Variants in ATP13A4 observed in about 807,000 individuals in gnomAD.
ATP13A4 encodes the protein probable cation-transporting ATPase 13A4.
Under a neutral mutation model 142.5 loss-of-function variants are expected in ATP13A4, and 114 were observed. That is an observed-to-expected ratio of 0.80 (90% confidence interval 0.69 to 0.93). ATP13A4 has a LOEUF of 0.93. ATP13A4 is among the 40% of genes least tolerant of loss of function. The probability of loss-of-function intolerance (pLI) is 0.00; values close to 1 mark genes in which losing one functional copy is unlikely to be tolerated. For synonymous variants in ATP13A4, 488 were observed against 514.8 expected, an observed-to-expected ratio of 0.95 and a Z score of 0.70; for missense variants, 1,392 against 1,454.0, an observed-to-expected ratio of 0.96 and a Z score of 0.69.
At chr3:193,576,249 CTTTTTTTTTT>C (rs59910562) in intron 2 of ATP13A4, among the ~76,000 whole-genome samples, 29 of 54,394 alleles carry the variant, frequency 5.3e-4, no homozygotes, top group Admixed American at 1.9e-3. Flanking sequence ...TTGAATCAAT[CTTTTTTTTTT>C]TTTTTTTTTT....
At chr3:193,556,362 C>A (rs1723888563), upstream of ATP13A4, among the ~76,000 whole-genome samples, 1 of 151,974 alleles carries the variant, frequency 6.6e-6, no homozygotes, top group South Asian at 2.1e-4. Context: ...TCAATGTGTG[C>A]ATGTGTGTGT....
intron 1 of ATP13A4, among the ~76,000 whole-genome samples, chr3:193,582,379 C>A (rs1724567010): frequency 6.7e-6 from 1 of 149,246 alleles, no homozygotes; most frequent in Admixed American, 6.7e-5. Context: ...CATCTCCTGA[C>A]CTTGTGATCC....
upstream of ATP13A4, among the ~76,000 whole-genome samples, chr3:193,558,877 T>C (rs180981661): frequency 6.8e-4 from 104 of 152,278 alleles, no homozygotes; most frequent in African/African-American, 2.4e-3. Flanking sequence ...CAAATAAGAA[T>C]GGGAACGGAA....
intron 1 of ATP13A4, among the ~76,000 whole-genome samples, chr3:193,540,817 TA>T (rs1159632369): frequency 6.6e-6 from 1 of 152,034 alleles, no homozygotes; most frequent in Non-Finnish European, 1.5e-5. Flanking sequence ...ACAAACAAAA[TA>T]AGACTGGAAA....
At chr3:193,587,966 T>C (rs1724697973) in intron 1 of ATP13A4, among the ~76,000 whole-genome samples, 1 of 151,370 alleles carries the variant, frequency 6.6e-6, no homozygotes. Flanking sequence ...TCTGAAAATA[T>C]ATATATATAT....
intron 12 of ATP13A4, among the ~76,000 whole-genome samples, chr3:193,464,205 A>G (rs1220852551): frequency 6.6e-6 from 1 of 152,182 alleles, no homozygotes; most frequent in Non-Finnish European, 1.5e-5. Flanking sequence ...AGGTCCACAG[A>G]TAGCTTCTCC....
chr3:193,481,508 C>A (rs1013482225), intron 8 of ATP13A4, among the ~76,000 whole-genome samples: 1 of 152,118 alleles, frequency 6.6e-6, no homozygotes, highest in Non-Finnish European at 1.5e-5. Context: ...CACTGGTAAC[C>A]CAGCCAGGTG....
At chr3:193,585,127 A>T (rs1173921848) in intron 1 of ATP13A4, among the ~76,000 whole-genome samples, 2 of 152,202 alleles carry the variant, frequency 1.3e-5, no homozygotes, top group African/African-American at 4.8e-5. Context: ...TTAAAACATT[A>T]TCAGTTTTGA....
At position 193,584,238 on chromosome 3, in the gene ATP13A4, G is replaced by A. The variant is rs188846087; in HGVS notation, n.92-2332C>T. ...ACACGGATGCTTACATGTGGAAAGC[G>A]GAGGTGGAAGGATTAGCATTGGAGT... On this transcript the variant is annotated intron_variant and non_coding_transcript_variant, in intron 1 of 3. Coordinates refer to the ATP13A4 transcript ENST00000489140. 8.5e-5 allele frequency among the ~76,000 whole-genome samples: 13 copies of A among 152,254 alleles called. No individual in the cohort carries two copies. In the East Asian group the frequency reaches 9.6e-4, roughly 11 times the overall value.
At chr3:193,490,313 C>T (rs542303658) in intron 6 of ATP13A4, among the ~76,000 whole-genome samples, 2 of 152,332 alleles carry the variant, frequency 1.3e-5, no homozygotes, top group East Asian at 3.9e-4. Context: ...TTGTCACCTC[C>T]TGTCTACATT....
intron 1 of ATP13A4, among the ~76,000 whole-genome samples, chr3:193,518,791 G>A (rs565052191): frequency 6.6e-6 from 1 of 152,250 alleles, no homozygotes; most frequent in South Asian, 2.1e-4. Flanking sequence ...TCTTTTCTGT[G>A]GTTCCTGCCT....
intron 18 of ATP13A4, among the ~76,000 whole-genome samples, chr3:193,443,292 C>T (rs565753704): frequency 6.6e-6 from 1 of 152,274 alleles, no homozygotes; most frequent in East Asian, 1.9e-4. Context: ...CAAGTTCAGC[C>T]TAGAGCTGTG....
At chr3:193,492,433 G>A (rs1250234380) in intron 5 of ATP13A4, among the ~76,000 whole-genome samples, 6 of 152,152 alleles carry the variant, frequency 3.9e-5, no homozygotes, top group African/African-American at 9.7e-5. Flanking sequence ...TTGGAAATGT[G>A]GAGCTACACA....
chr3:193,453,983 A>G (rs1039086884), intron 17 of ATP13A4, 118 bp downstream of exon 17: 3 of 820,276 alleles, frequency 3.7e-6, no homozygotes, highest in Non-Finnish European at 6.2e-6. Flanking sequence ...AGCAAGCTAC[A>G]TTGCTCTGTC....
intron 14 of ATP13A4, 190 bp downstream of exon 14, chr3:193,458,891 T>C (rs1717787956): frequency 6.9e-6 from 5 of 726,278 alleles, no homozygotes; most frequent in Non-Finnish European, 1.2e-5. Context: ...CACAATCTCA[T>C]TATGTAGATG....
intron 1 of ATP13A4, among the ~76,000 whole-genome samples, chr3:193,530,227 G>C (rs898313830): frequency 6.6e-6 from 1 of 150,576 alleles, no homozygotes; most frequent in Non-Finnish European, 1.5e-5. Context: ...GTTTGTTTTT[G>C]CTTTTATTTT....
chr3:193,539,395 T>C (rs1351118718), intron 1 of ATP13A4, among the ~76,000 whole-genome samples: 1 of 152,210 alleles, frequency 6.6e-6, no homozygotes, highest in African/African-American at 2.4e-5. Context: ...ACTATGCCTG[T>C]GGCATGGACA....
intron 2 of ATP13A4, among the ~76,000 whole-genome samples, chr3:193,508,193 G>A (rs544936022): frequency 2.6e-4 from 40 of 152,206 alleles, no homozygotes; most frequent in Admixed American, 1.2e-3. Flanking sequence ...TTGGACTTTC[G>A]GCTCCCAGAA....
At chr3:193,543,290 C>T (rs1307129905) in intron 1 of ATP13A4, among the ~76,000 whole-genome samples, 1 of 152,084 alleles carries the variant, frequency 6.6e-6, no homozygotes, top group African/African-American at 2.4e-5. Flanking sequence ...TAAATGGGAT[C>T]TAATTAAGCT....
Sources: allele counts gnomAD v4.1 joint callset (sites outside exome capture counted in the v4.1 genomes callset), GRCh38; gene constraint gnomAD v4.1.1; transcripts MANE v1.5; gene names NCBI Gene and HGNC (gene_info 2026-07-23, HGNC 2026-07-21).